Variants in EPHA6 observed in about 807,000 individuals in gnomAD.
The protein encoded by EPHA6 is EPH receptor A6.
EPHA6 carries 50 observed loss-of-function variants against 112.0 expected under a neutral mutation model. The ratio of observed to expected loss-of-function variants is 0.45; its 90% CI spans 0.36 to 0.56. The LOEUF (loss-of-function observed/expected upper bound fraction) is 0.56, where lower values mean the gene tolerates loss of function less well. Ranked by LOEUF, EPHA6 falls within the 20% of genes least tolerant of loss-of-function variation. The probability of loss-of-function intolerance (pLI) is 0.00; values close to 1 mark genes in which losing one functional copy is unlikely to be tolerated. For missense variants in EPHA6, 1,280 were observed against 1,417.4 expected (o/e 0.90, Z 1.56); for synonymous variants, 529 against 490.7 (o/e 1.08, Z -1.03).
chr3:96,834,769 A>G (rs576069974), intron 1 of EPHA6, among the ~76,000 whole-genome samples: 3 of 152,192 alleles, frequency 2.0e-5, no homozygotes, highest in African/African-American at 7.2e-5. Context: ...GGAACTGAAT[A>G]TCAGTTCCAT....
intron 3 of EPHA6, among the ~76,000 whole-genome samples, chr3:97,001,017 G>GATATATATATAT (rs57116000): frequency 1.2e-4 from 14 of 114,588 alleles, no homozygotes; most frequent in African/African-American, 2.9e-4. Context: ...GTCAGAAATT[G>GATATATATATAT]ATATATATAT....
At chr3:97,030,785 A>G (rs993487160) in intron 3 of EPHA6, among the ~76,000 whole-genome samples, 1 of 152,092 alleles carries the variant, frequency 6.6e-6, no homozygotes, top group African/African-American at 2.4e-5. Context: ...TATATCTACT[A>G]TGAATATGAT....
chr3:97,539,983 G>A (rs554163190), intron 11 of EPHA6, among the ~76,000 whole-genome samples: 132 of 152,276 alleles, frequency 8.7e-4, no homozygotes, highest in Non-Finnish European at 1.4e-3. Flanking sequence ...GCCCCAAAAA[G>A]CACTGTTATT....
At chr3:97,547,179 T>A (rs1033210625) in intron 11 of EPHA6, among the ~76,000 whole-genome samples, 79 of 152,318 alleles carry the variant, frequency 5.2e-4, no homozygotes, top group African/African-American at 1.7e-3. Context: ...CTCTGTTGTT[T>A]TCCCATCTTT....
intron 7 of EPHA6, among the ~76,000 whole-genome samples, chr3:97,460,632 T>C (rs2090855907): frequency 1.3e-5 from 2 of 152,336 alleles, no homozygotes; most frequent in South Asian, 4.1e-4. Flanking sequence ...GCTGCAGACA[T>C]TGCCCCTGGC....
At chr3:97,620,952 A>T (rs779734665) in intron 13 of EPHA6, among the ~76,000 whole-genome samples, 1 of 152,070 alleles carries the variant, frequency 6.6e-6, no homozygotes, top group Non-Finnish European at 1.5e-5. Flanking sequence ...TATTATAAAC[A>T]CACACGCATG....
chr3:97,261,711 T>A (rs2079509524), intron 5 of EPHA6, among the ~76,000 whole-genome samples: 1 of 152,172 alleles, frequency 6.6e-6, no homozygotes, highest in African/African-American at 2.4e-5. Flanking sequence ...AAGAAAGATG[T>A]GGTGCAACCT....
At chr3:97,297,527 G>C (rs998908641) in intron 5 of EPHA6, among the ~76,000 whole-genome samples, 1 of 152,082 alleles carries the variant, frequency 6.6e-6, no homozygotes, top group African/African-American at 2.4e-5. Flanking sequence ...AACTCATGGA[G>C]TTTACATGCT....
chr3:97,347,186 T>C lies in EPHA6; in HGVS notation c.1607-57964T>C, dbSNP rs1338927682. Among the ~76,000 whole-genome samples, 4 of 152,264 alleles carry C rather than the reference T, an allele frequency of 2.6e-5. No individual in the cohort carries two copies. In the East Asian group the frequency reaches 5.8e-4, roughly 22 times the overall value. ...AGGATTTATCATCCAGACTTCACTT[T>C]CTTGTTTCTCCATCTTCAGATATTT... is the stretch of plus-strand genomic sequence containing the variant. On this transcript the variant is annotated intron_variant, in intron 5 of 17. Coordinates refer to ENST00000389672, the MANE Select transcript of EPHA6 (RefSeq NM_001080448.3).
intron 1 of EPHA6, among the ~76,000 whole-genome samples, chr3:96,839,971 T>C (rs1268008012): frequency 6.6e-6 from 1 of 152,086 alleles, no homozygotes; most frequent in East Asian, 1.9e-4. Flanking sequence ...TAGAACACTA[T>C]TGTTATTGTT....
At chr3:97,089,216 G>A (rs991289246) in intron 3 of EPHA6, among the ~76,000 whole-genome samples, 1 of 152,016 alleles carries the variant, frequency 6.6e-6, no homozygotes, top group Non-Finnish European at 1.5e-5. Context: ...TGAATATAAG[G>A]TATAACTCTT....
At chr3:96,877,834 A>C (rs571175366) in intron 2 of EPHA6, among the ~76,000 whole-genome samples, 94 of 151,860 alleles carry the variant, frequency 6.2e-4, no homozygotes, top group South Asian at 2.1e-3. Flanking sequence ...TGTATATGCA[A>C]ATACTTCAAT....
At chr3:97,012,662 G>A (rs1229010540) in intron 3 of EPHA6, among the ~76,000 whole-genome samples, 2 of 109,564 alleles carry the variant, frequency 1.8e-5, no homozygotes, top group African/African-American at 7.2e-5. Context: ...GTTTTGTCTT[G>A]TTGCCCAGGC....
chr3:97,068,963 T>C (rs2108151042), intron 3 of EPHA6, among the ~76,000 whole-genome samples: 1 of 152,240 alleles, frequency 6.6e-6, no homozygotes. Flanking sequence ...ACATGGCAAT[T>C]TGTTACAGCA....
intron 5 of EPHA6, among the ~76,000 whole-genome samples, chr3:97,279,506 A>G (rs1298188158): frequency 3.9e-5 from 6 of 152,088 alleles, no homozygotes; most frequent in Non-Finnish European, 7.4e-5. Flanking sequence ...TATTTAAAAA[A>G]AAAAAAGCAG....
At chr3:97,162,140 G>T (rs1351402483) in intron 3 of EPHA6, among the ~76,000 whole-genome samples, 1 of 152,162 alleles carries the variant, frequency 6.6e-6, no homozygotes, top group Non-Finnish European at 1.5e-5. Flanking sequence ...TCTCTCTCCT[G>T]CACAGGTCAA....
At chr3:97,187,745 G>GAAAGAAAGAAAGAA (rs1418770206) in intron 3 of EPHA6, among the ~76,000 whole-genome samples, 6 of 138,310 alleles carry the variant, frequency 4.3e-5, no homozygotes, top group African/African-American at 1.4e-4. Context: ...AAGAAAGAAA[G>GAAAGAAAGAAAGAA]AGGAAAGAAA....
intron 5 of EPHA6, among the ~76,000 whole-genome samples, chr3:97,272,534 G>A (rs998327299): frequency 7.2e-5 from 11 of 152,168 alleles, no homozygotes; most frequent in African/African-American, 2.7e-4. Context: ...TTTCACCTGG[G>A]TGCAGGCGGG....
chr3:97,240,361 C>T (rs1021604187), intron 4 of EPHA6, among the ~76,000 whole-genome samples: 1 of 151,668 alleles, frequency 6.6e-6, no homozygotes. Flanking sequence ...GTTAATAAAC[C>T]ATGCACTACA....
Sources: gnomAD v4.1 joint callset for allele counts (sites outside exome capture counted in the v4.1 genomes callset) on GRCh38, gnomAD v4.1.1 for gene constraint, MANE v1.5 for transcripts, NCBI Gene and HGNC (gene_info 2026-07-23, HGNC 2026-07-21) for gene names.